PAGE3: variants seen among roughly 807,000 people sequenced by gnomAD.
The protein encoded by PAGE3 is P antigen family member 3.
Under a neutral mutation model 3.8 loss-of-function variants are expected in PAGE3, and 9 were observed. The ratio of observed to expected loss-of-function variants is 2.36; its 90% confidence interval spans 1.42 to 4.12. PAGE3 has a LOEUF of 4.12. Ranked by LOEUF, PAGE3 falls within the 30% of genes most tolerant of loss-of-function variation. The probability of loss-of-function intolerance (pLI) is 0.00; values close to 1 mark genes in which losing one functional copy is unlikely to be tolerated. For missense variants in PAGE3, 73 were observed against 37.8 expected (o/e 1.93, Z -2.44); for synonymous variants, 24 against 13.1 (o/e 1.83, Z -1.79).
Position 55,259,085 on chromosome X carries a change from C to T in PAGE3, c.320-557G>A, listed in dbSNP as rs183248557. Among the ~76,000 whole-genome samples, 10 of 111,449 alleles carry T rather than the reference C, an allele frequency of 9.0e-5. No individual in the cohort carries two copies. In the Admixed American group the frequency reaches 9.6e-4, roughly 11 times the overall value. ...GGTTAACCATTTGTCTCTGTTTTCA[C>T]CTGTGGTTCTAGTATAATTATCAAT... On this transcript the variant is annotated intron_variant, in intron 4 of 4. Coordinates refer to ENST00000374951, the MANE Select transcript of PAGE3 (RefSeq NM_001017931.3).
At chrX:55,264,021 T>C in intron 1 of PAGE3, 110 bp from the exon 2 acceptor site, 1 of 392,190 alleles carries the variant, frequency 2.5e-6, no homozygotes, top group Non-Finnish European at 4.4e-6. Context: ...TGGGACTTAA[T>C]TTTAAGATGT....
intron 4 of PAGE3, among the ~76,000 whole-genome samples, chrX:55,259,393 A>G (rs1229702725): frequency 9.0e-6 from 1 of 111,114 alleles, no homozygotes; most frequent in African/African-American, 3.3e-5. Context: ...AAGTTTTAAA[A>G]GTTCATCCAT....
intron 4 of PAGE3, 62 bp downstream of exon 4, chrX:55,260,471 TA>T: frequency 2.0e-6 from 1 of 501,917 alleles, no homozygotes; most frequent in Non-Finnish European, 3.7e-6. Context: ...CTCTATATTA[TA>T]AAATATATAG....
intron 4 of PAGE3, 140 bp downstream of exon 4, chrX:55,260,394 G>A (rs1272437045): frequency 2.8e-6 from 1 of 355,914 alleles, no homozygotes; most frequent in Non-Finnish European, 5.0e-6. Context: ...GGCTTTTGGG[G>A]ACTGAACTAT....
At position 55,262,236 on chromosome X, in the gene PAGE3, T is replaced by C. The variant is rs187245498; in HGVS notation, c.193+1015A>G. ...CTAATTGTTTCATGATAATCGTAGGTACATAACCTTTTGATGTTTCTAGCC... is the reference window on the plus strand; with the variant it reads ...CTAATTGTTTCATGATAATCGTAGGCACATAACCTTTTGATGTTTCTAGCC... On this transcript the variant is annotated intron_variant, in intron 3 of 4. Coordinates refer to ENST00000374951, the MANE Select transcript of PAGE3 (RefSeq NM_001017931.3). Among the ~76,000 whole-genome samples, 407 of 111,956 alleles carry C rather than the reference T, an allele frequency of 3.6e-3. 2 individuals carry two copies. Among genetic ancestry groups the C allele is most frequent in the African/African-American group, 0.013 (386 of 30,870 alleles).
At chrX:55,262,810 T>G (rs769562168) in intron 3 of PAGE3, among the ~76,000 whole-genome samples, 1 of 105,036 alleles carries the variant, frequency 9.5e-6, no homozygotes, top group East Asian at 2.9e-4. Flanking sequence ...TGAATTAGTG[T>G]GGATATGAGA....
intron 3 of PAGE3, among the ~76,000 whole-genome samples, chrX:55,262,773 C>T (rs912558809): frequency 5.9e-5 from 6 of 101,661 alleles, no homozygotes; most frequent in Non-Finnish European, 1.2e-4. Context: ...ATTTATATCT[C>T]GATGCAAGCT....
At chrX:55,263,707 A>C (rs1938339519) in intron 2 of PAGE3, 113 bp downstream of exon 2, 2 of 441,647 alleles carry the variant, frequency 4.5e-6, no homozygotes, top group Middle Eastern at 4.2e-4. Flanking sequence ...CACGAGATTC[A>C]ATTATTACCA....
chrX:55,263,225 G>A, intron 3 of PAGE3, 26 bp downstream of exon 3: 1 of 558,606 alleles, frequency 1.8e-6, no homozygotes, highest in East Asian at 3.3e-5. Context: ...TCCATTCATA[G>A]GCATTCTTCC....
At chrX:55,262,304 A>C (rs1314827753) in intron 3 of PAGE3, among the ~76,000 whole-genome samples, 1 of 111,441 alleles carries the variant, frequency 9.0e-6, no homozygotes, top group African/African-American at 3.3e-5. Context: ...TAAAAATTAT[A>C]CTGAACCAGC....
At chrX:55,263,797 A>G (rs998588765) in intron 2 of PAGE3, 23 bp downstream of exon 2, 3 of 547,695 alleles carry the variant, frequency 5.5e-6, no homozygotes, top group Non-Finnish European at 9.9e-6. Context: ...CTAATAGAAA[A>G]TATCAAATGT....
Position 55,259,077 on chromosome X carries a change from T to G in PAGE3, c.320-549A>C, listed in dbSNP as rs1601961848. On this transcript the variant is annotated intron_variant, in intron 4 of 4. Coordinates refer to ENST00000374951, the MANE Select transcript of PAGE3 (RefSeq NM_001017931.3). Reference sequence around the variant, plus strand: ...TTTAAGTAGGTTAACCATTTGTCTCTGTTTTCACCTGTGGTTCTAGTATAA... The same window carrying G: ...TTTAAGTAGGTTAACCATTTGTCTCGGTTTTCACCTGTGGTTCTAGTATAA... Among the ~76,000 whole-genome samples, 3 of 111,935 alleles carry G rather than the reference T, an allele frequency of 2.7e-5. No homozygotes were observed. The Admixed American group carries it at 2.9e-4, about 11-fold the overall frequency.
chrX:55,261,231 G>T (rs1938282725), intron 3 of PAGE3, among the ~76,000 whole-genome samples: 1 of 111,468 alleles, frequency 9.0e-6, no homozygotes, highest in African/African-American at 3.3e-5. Context: ...TGTAATGCAT[G>T]ATCCTGGAAT....
rs746395059 is a variant in PAGE3, at chrX:55,260,533, C to T, written c.319+1G>A. 1 of 563,915 alleles carries T rather than the reference C, an allele frequency of 1.8e-6. No homozygotes were observed. Among genetic ancestry groups the T allele is most frequent in the South Asian group, 2.3e-5 (1 of 44,006 alleles). The allele number at this position is 563,915 out of a possible 1,213,427, so 46.5% of individuals were successfully genotyped here. ...ATTTGCATTTTTAATGAATAACTTA[C>T]CTGCTTCTGGTATTTTAACAGGCTC... is the stretch of plus-strand genomic sequence containing the variant. On this transcript the variant is annotated splice_donor_variant, in intron 4 of 4. Coordinates refer to ENST00000374951, the MANE Select transcript of PAGE3 (RefSeq NM_001017931.3). LOFTEE classifies it high-confidence loss of function.
At chrX:55,259,064 A>C (rs1028122521) in intron 4 of PAGE3, among the ~76,000 whole-genome samples, 8 of 111,880 alleles carry the variant, frequency 7.2e-5, no homozygotes, top group Admixed American at 6.7e-4. Flanking sequence ...TAAGTAGGTT[A>C]ACCATTTGTC....
At chrX:55,263,447 T>A (rs751837685) in intron 2 of PAGE3, 88 bp from the exon 3 acceptor site, 139 of 448,308 alleles carry the variant, frequency 3.1e-4, no homozygotes, top group Non-Finnish European at 4.8e-4. Context: ...TACAAATATA[T>A]CTTACCATAA....
At chrX:55,262,420 G>C (rs1938303647) in intron 3 of PAGE3, among the ~76,000 whole-genome samples, 1 of 110,996 alleles carries the variant, frequency 9.0e-6, no homozygotes, top group South Asian at 3.7e-4. Context: ...TCATTCTCTG[G>C]AATCACATTC....
rs1938326381 is a variant in PAGE3 at position 55,263,286 on chromosome X, C to T, written c.158G>A (p.Gly53Asp). The change falls in exon 3 of 5, where the codon GGT (glycine) becomes GAT (aspartate). Residue 53 changes from glycine (G) to aspartate (D), a missense_variant. Coordinates refer to ENST00000374951, the MANE Select transcript of PAGE3 (RefSeq NM_001017931.3). ...PPIESQDYTP[G>D]QERDEGALDF... ...CAGTGCTCCCTCGTCTCTCTCTTGACCAGGTGTATAATCCTGACTTTCAAT... is the reference window on the plus strand; with the variant it reads ...CAGTGCTCCCTCGTCTCTCTCTTGATCAGGTGTATAATCCTGACTTTCAAT... 1.8e-6 allele frequency: 1 copy of T among 567,809 alleles called. No homozygotes were observed. Among genetic ancestry groups the T allele is most frequent in the African/African-American group, 2.2e-5 (1 of 44,514 alleles). 46.8% of individuals were successfully genotyped at this position (567,809 alleles called of 1,213,427 possible).
chrX:55,258,644 C>T (rs1938236042), intron 4 of PAGE3, 116 bp from the exon 5 acceptor site: 2 of 459,739 alleles, frequency 4.4e-6, no homozygotes, highest in African/African-American at 4.9e-5. Flanking sequence ...ACAAGGTAAC[C>T]CTCTGGCTTA....
Sources: gnomAD v4.1 joint callset for allele counts (sites outside exome capture counted in the v4.1 genomes callset) on GRCh38, gnomAD v4.1.1 for gene constraint, MANE v1.5 for transcripts, NCBI Gene and HGNC (gene_info 2026-07-23, HGNC 2026-07-21) for gene names.